The following ZNF182 variants were observed in gnomAD, a reference collection of about 807,000 sequenced individuals.
ZNF182 encodes zinc finger protein 21 (KOX 14).
Under a neutral mutation model 28.1 loss-of-function variants are expected in ZNF182, and 10 were observed. The observed-to-expected ratio is 0.36, with a 90% CI of 0.22 to 0.60. ZNF182 has a LOEUF of 0.60. Among genes scored for constraint, ZNF182 ranks in the 20% least tolerant of loss-of-function variants. The probability of loss-of-function intolerance (pLI) is 0.75; values close to 1 mark genes in which losing one functional copy is unlikely to be tolerated. For missense variants in ZNF182, 352 were observed against 453.2 expected (o/e 0.78, Z 2.03); for synonymous variants, 156 against 158.7 (o/e 0.98, Z 0.13).
At position 47,976,269 on chromosome X, in the gene ZNF182, G is replaced by C. The variant is rs1569406329; in HGVS notation, c.1761C>G (p.Ala587=). Residue 587 remains alanine, a synonymous_variant, in exon 6 of 6, where the codon GCC becomes GCG. Transcript: ENST00000376943. ...CAATAAGGTTTGATTTTTGGGTAAA[G>C]GCTTTCCCACATTCTGTACATTTAT... The part of the protein sequence containing the change: ...KPYKCTECGK[A]FTQKSNLIVH... 8.3e-7 allele frequency: 1 copy of C among 1,204,927 alleles called. No homozygotes were observed. The highest frequency in any genetic ancestry group is 3.0e-5 in the East Asian group (1 of 33,775).
At chrX:47,983,205 G>T in intron 4 of ZNF182, 80 bp downstream of exon 4, 1 of 1,177,704 alleles carries the variant, frequency 8.5e-7, no homozygotes, top group Non-Finnish European at 1.2e-6. Context: ...GGAGAGAAAA[G>T]AGGGAACTGA....
chrX:47,976,842 T>C lies in ZNF182; in HGVS notation c.1188A>G (p.Ser396=). The change falls in exon 6 of 6, where the codon TCA becomes TCG. Residue 396 remains serine, a synonymous_variant. Transcript: ENST00000376943. The stretch of plus-strand genomic sequence containing the variant: ...GAGTTCTTTGATGCACAATGAGGGT[T>C]GACTTCTCATTGAAAGACTTCCCAC... The part of the protein sequence containing the change: ...TECGKSFNEK[S]TLIVHQRTHT... 1 of 1,208,998 alleles carries C rather than the reference T, an allele frequency of 8.3e-7. No individual in the cohort carries two copies. The highest frequency in any genetic ancestry group is 1.8e-5 in the South Asian group (1 of 56,311).
chrX:48,001,859 A>G (rs782705070), intron 3 of ZNF182, among the ~76,000 whole-genome samples: 1 of 111,889 alleles, frequency 8.9e-6, no homozygotes. Context: ...CAGGTTGGGG[A>G]AGACATGACT....
intron 3 of ZNF182, among the ~76,000 whole-genome samples, chrX:47,993,389 A>C (rs1156897665): frequency 2.7e-5 from 3 of 112,294 alleles, no homozygotes; most frequent in Non-Finnish European, 5.6e-5. Context: ...GTTCTAACAA[A>C]TTACTGAACC....
intron 3 of ZNF182, among the ~76,000 whole-genome samples, chrX:47,987,086 TCTATC>T (rs1397218741): frequency 2.7e-5 from 3 of 111,927 alleles, no homozygotes; most frequent in African/African-American, 9.8e-5. Flanking sequence ...CATATATTCA[TCTATC>T]CTATCAGTTC....
intron 3 of ZNF182, among the ~76,000 whole-genome samples, chrX:47,998,622 C>T (rs1403539192): frequency 7.2e-5 from 8 of 111,860 alleles, no homozygotes; most frequent in South Asian, 3.7e-4. Context: ...TTTGGGAGGC[C>T]GAGGCGGGTG....
At chrX:47,987,088 T>C (rs2058925807) in intron 3 of ZNF182, among the ~76,000 whole-genome samples, 1 of 112,041 alleles carries the variant, frequency 8.9e-6, no homozygotes, top group Non-Finnish European at 1.9e-5. Flanking sequence ...TATATTCATC[T>C]ATCCTATCAG....
intron 3 of ZNF182, among the ~76,000 whole-genome samples, chrX:47,983,632 G>A (rs1370109747): frequency 3.6e-5 from 4 of 111,535 alleles, no homozygotes; most frequent in Non-Finnish European, 7.5e-5. Context: ...ATCAGCACAA[G>A]GACAGACAAA....
intron 5 of ZNF182, among the ~76,000 whole-genome samples, chrX:47,981,178 T>C (rs1204870754): frequency 8.9e-6 from 1 of 112,290 alleles, no homozygotes; most frequent in Non-Finnish European, 1.9e-5. Flanking sequence ...CTCTAAATCG[T>C]GGGCTTAAAA....
rs1317527978 is a variant in ZNF182, at chrX:47,976,902, A to G, written c.1128T>C (p.Thr376=). The G allele has an allele frequency of 2.5e-6, 3 of 1,208,075 alleles. No homozygotes were observed. Among genetic ancestry groups the G allele is most frequent in the Non-Finnish European group, 3.4e-6 (3 of 894,682 alleles). Residue 376 remains threonine (T), a synonymous_variant, in exon 6 of 6, where the codon ACT becomes ACC. Transcript: ENST00000376943. ...DKSTLIIHQR[T]HTGEKPHKCT... is the part of the protein sequence containing the mutation. ...ATTTATGAGGTTTCTCTCCCGTATG[A>G]GTTCTCTGGTGTATAATGAGAGTTG...
At chrX:47,986,634 A>G (rs1316721463) in intron 3 of ZNF182, among the ~76,000 whole-genome samples, 1 of 111,872 alleles carries the variant, frequency 8.9e-6, no homozygotes, top group Non-Finnish European at 1.9e-5. Flanking sequence ...GGATTGAAGG[A>G]TGCAAAGTAT....
At chrX:47,997,380 T>C (rs185800630) in intron 3 of ZNF182, among the ~76,000 whole-genome samples, 8 of 105,799 alleles carry the variant, frequency 7.6e-5, no homozygotes, top group Non-Finnish European at 1.2e-4. Context: ...GAAGTAAGAA[T>C]GGAAAAAAGT....
chrX:47,998,459 A>C (rs1314257896), intron 3 of ZNF182, among the ~76,000 whole-genome samples: 1 of 112,394 alleles, frequency 8.9e-6, no homozygotes, highest in Admixed American at 9.4e-5. Context: ...CTTCTAAATA[A>C]TATATTGGTC....
At chrX:47,982,813 T>A in intron 5 of ZNF182, 136 bp downstream of exon 5, 4 of 529,908 alleles carry the variant, frequency 7.5e-6, no homozygotes, top group Non-Finnish European at 9.2e-6. Flanking sequence ...GAGGTGTTCA[T>A]GTCCCTGTCC....
intron 5 of ZNF182, among the ~76,000 whole-genome samples, chrX:47,981,555 T>C (rs902498720): frequency 8.9e-6 from 1 of 112,511 alleles, no homozygotes; most frequent in Admixed American, 9.4e-5. Context: ...CTGTACAATA[T>C]GTAACTCATG....
intron 3 of ZNF182, among the ~76,000 whole-genome samples, chrX:47,995,043 C>T (rs2058954253): frequency 9.1e-6 from 1 of 109,432 alleles, no homozygotes; most frequent in Admixed American, 9.8e-5. Flanking sequence ...ATAAGACCAG[C>T]AGAAGAGGCC....
At chrX:47,994,246 CATA>C (rs1417443559) in intron 3 of ZNF182, among the ~76,000 whole-genome samples, 2 of 112,261 alleles carry the variant, frequency 1.8e-5, no homozygotes, top group African/African-American at 6.5e-5. Flanking sequence ...AAAAAAGTAG[CATA>C]ATATTTTTCA....
chrX:47,997,066 C>T lies in ZNF182; in HGVS notation c.15+5529G>A, dbSNP rs782047627. Among the ~76,000 whole-genome samples the T allele has an allele frequency of 4.8e-3, 538 of 111,255 alleles. 2 individuals carry two copies. Among genetic ancestry groups the T allele is most frequent in the Non-Finnish European group, 7.4e-3 (392 of 53,022 alleles). ...TACTGGCCGGGCACGGTGGCTCACA[C>T]CTGTAATCCCAGCACTTTGGGAGGT... On this transcript the variant is annotated intron_variant, in intron 3 of 5. Transcript: ENST00000376943.
chrX:47,976,853 T>C lies in ZNF182; in HGVS notation c.1177A>G (p.Asn393Asp). ...HKCTECGKSF[N>D]EKSTLIVHQR... ...TGCACAATGAGGGTTGACTTCTCAT[T>C]GAAAGACTTCCCACATTCAGTACAT... The change falls in exon 6 of 6, where the codon AAT (asparagine) becomes GAT (aspartate). Residue 393 changes from asparagine to aspartate, a missense_variant. Transcript: ENST00000376943. 4 of 1,208,912 alleles carry C rather than the reference T, an allele frequency of 3.3e-6. No individual in the cohort carries two copies. Among genetic ancestry groups the C allele is most frequent in the Non-Finnish European group, 4.5e-6 (4 of 894,237 alleles).
Sources: gnomAD v4.1 joint callset for allele counts (sites outside exome capture counted in the v4.1 genomes callset) on GRCh38, gnomAD v4.1.1 for gene constraint, MANE v1.5 for transcripts, NCBI Gene and HGNC (gene_info 2026-07-23, HGNC 2026-07-21) for gene names.